ADGRG4: variants seen among roughly 807,000 people sequenced by gnomAD.
ADGRG4 encodes the protein adhesion G protein-coupled receptor G4.
In ADGRG4, 122 loss-of-function variants were observed where a neutral mutation model predicts 126.2. The observed-to-expected ratio is 0.97, with a 90% CI of 0.83 to 1.12. The LOEUF (loss-of-function observed/expected upper bound fraction) is 1.12. Among genes scored for constraint, ADGRG4 ranks in the 50% most tolerant of loss-of-function variants. The probability of loss-of-function intolerance (pLI) is 0.00; values close to 1 mark genes in which losing one functional copy is unlikely to be tolerated. For synonymous variants in ADGRG4, 943 were observed against 838.7 expected, an observed-to-expected ratio of 1.12 and a Z score of -2.15; for missense variants, 2,481 against 2,251.8, an observed-to-expected ratio of 1.10 and a Z score of -2.06.
At position 136,363,509 on chromosome X, in the gene ADGRG4, G is replaced by T; in HGVS notation, c.7310G>T (p.Trp2437Leu). ...AGCATCAACACGGGCAAATCTCAGT[G>T]GGAAAAGCCAAAGTTTAAACAATGC... ...SISINTGKSQ[W>L]EKPKFKQCKL... Residue 2437 changes from tryptophan (W) to leucine (L), a missense_variant, in exon 13 of 26, where the codon TGG becomes TTG. By Grantham distance (61) the Trp-to-Leu change is moderately conservative. Transcript: ENST00000394143. 1 of 1,202,936 alleles carries T rather than the reference G, an allele frequency of 8.3e-7. No individual in the cohort carries two copies. The highest frequency in any genetic ancestry group is 1.1e-6 in the Non-Finnish European group (1 of 887,586).
intron 7 of ADGRG4, among the ~76,000 whole-genome samples, chrX:136,352,347 T>C (rs6635267): frequency 9.0e-6 from 1 of 110,783 alleles, no homozygotes; most frequent in East Asian, 2.8e-4. Flanking sequence ...GACATTTAAG[T>C]TGTTTCTATC....
At chrX:136,412,224 G>A (rs1274567944) in intron 23 of ADGRG4, 41 bp from the exon 24 acceptor site, 2 of 961,477 alleles carry the variant, frequency 2.1e-6, no homozygotes, top group South Asian at 3.9e-5. Flanking sequence ...GACAGCTGGT[G>A]AAAGAAACCA....
intron 1 of ADGRG4, among the ~76,000 whole-genome samples, chrX:136,303,545 A>T (rs1306667643): frequency 1.8e-5 from 2 of 112,484 alleles, no homozygotes; most frequent in African/African-American, 6.5e-5. Context: ...TAGTATCATT[A>T]TGCAAAATAA....
chrX:136,306,900 G>T (rs2148442398), intron 3 of ADGRG4, among the ~76,000 whole-genome samples: 1 of 110,475 alleles, frequency 9.1e-6, no homozygotes, highest in East Asian at 2.8e-4. Flanking sequence ...TTTTAGTAGA[G>T]ACAGGGTTTC....
chrX:136,359,030 A>G (rs773525201), intron 10 of ADGRG4, among the ~76,000 whole-genome samples: 5 of 112,602 alleles, frequency 4.4e-5, no homozygotes, highest in African/African-American at 6.4e-5. Flanking sequence ...AAGGCTAGCA[A>G]TTTCAACACA....
intron 8 of ADGRG4, among the ~76,000 whole-genome samples, chrX:136,355,044 G>A (rs2075084931): frequency 8.9e-6 from 1 of 111,928 alleles, no homozygotes; most frequent in Non-Finnish European, 1.9e-5. Flanking sequence ...CAATCAGAAA[G>A]GTGAAGAAAG....
chrX:136,403,228 T>C lies in ADGRG4; in HGVS notation c.8576-16T>C, dbSNP rs1734256697. ...GCTACCTGATGAAATGCCTTTGACT[T>C]GCTTTCCCACTGCAGGAATCCCGGC... On this transcript the variant is annotated splice_polypyrimidine_tract_variant and intron_variant, in intron 21 of 25. Coordinates refer to ENST00000394143, the MANE Select transcript of ADGRG4 (RefSeq NM_153834.4). The C allele has an allele frequency of 6.7e-6, 8 of 1,199,991 alleles. No homozygotes were observed. The highest frequency in any genetic ancestry group is 3.5e-5 in the South Asian group (2 of 56,417).
chrX:136,400,509 C>T lies in ADGRG4; in HGVS notation c.8575+393C>T, dbSNP rs769050695. Among the ~76,000 whole-genome samples, 13 of 112,142 alleles carry T rather than the reference C, an allele frequency of 1.2e-4. No individual in the cohort carries two copies. In the South Asian group the frequency reaches 1.9e-3, roughly 16 times the overall value. ...GCATTTAATCCTCATAATATCTCCA[C>T]GGGATAGATTCCATCATTATTCCCA... On this transcript the variant is annotated intron_variant, in intron 21 of 25. Transcript: ENST00000394143.
At chrX:136,406,202 A>G (rs2075408979) in intron 23 of ADGRG4, among the ~76,000 whole-genome samples, 1 of 112,615 alleles carries the variant, frequency 8.9e-6, no homozygotes. Context: ...AATACTTCTT[A>G]TAGTGTTCAT....
intron 5 of ADGRG4, among the ~76,000 whole-genome samples, chrX:136,342,107 G>A: frequency 9.0e-6 from 1 of 111,610 alleles, no homozygotes; most frequent in East Asian, 2.8e-4. Context: ...TTTCTTCTGA[G>A]TGAGGCTGCC....
At position 136,304,881 on chromosome X, in the gene ADGRG4, G is replaced by A. The variant is rs1947887694; in HGVS notation, c.-152G>A. On this transcript the variant is annotated 5_prime_UTR_variant, in exon 3 of 26. Coordinates refer to ENST00000394143, the MANE Select transcript of ADGRG4 (RefSeq NM_153834.4). Reference sequence around the variant, plus strand: ...CTGTGTGACCCCACGTTGGGGACAGGTCACAAAACCTAAGCCTTGTGCCTA... The same window carrying A: ...CTGTGTGACCCCACGTTGGGGACAGATCACAAAACCTAAGCCTTGTGCCTA... The A allele has an allele frequency of 8.9e-6, 1 of 112,515 alleles. No individual in the cohort carries two copies. The highest frequency in any genetic ancestry group is 1.9e-5 in the Non-Finnish European group (1 of 53,304). The allele number at this position is 112,515 out of a possible 1,213,427, so 9.3% of individuals were successfully genotyped here.
intron 4 of ADGRG4, among the ~76,000 whole-genome samples, chrX:136,319,697 TTCTATCTATCTATCTA>T (rs59139457): frequency 1.6e-3 from 148 of 95,088 alleles, no homozygotes; most frequent in East Asian, 8.8e-3. Flanking sequence ...GCCACAGTGA[TTCTATCTATCTATCTA>T]TCTATCTATC....
chrX:136,346,995 A>G lies in ADGRG4; in HGVS notation c.3289A>G (p.Arg1097Gly). 8.3e-7 allele frequency: 1 copy of G among 1,210,769 alleles called. No individual in the cohort carries two copies. Among genetic ancestry groups the G allele is most frequent in the South Asian group, 1.8e-5 (1 of 56,980 alleles). The change falls in exon 6 of 26, where the codon AGG becomes GGG. Residue 1097 changes from arginine to glycine, a missense_variant. Transcript: ENST00000394143. ...TTSEATVISV[R>G]KTSMAVPSLT... is the part of the protein sequence containing the mutation. The stretch of plus-strand genomic sequence containing the variant: ...TTCAGAGGCCACGGTAATCTCTGTC[A>G]GGAAGACATCCATGGCAGTTCCTTC...
intron 22 of ADGRG4, among the ~76,000 whole-genome samples, chrX:136,404,590 C>T (rs1004149529): frequency 2.1e-4 from 23 of 111,791 alleles, no homozygotes; most frequent in Middle Eastern, 4.6e-3. Context: ...TTATTACCAA[C>T]GATCAAATTT....
At chrX:136,327,424 CATAAA>C (rs1304918490) in intron 5 of ADGRG4, among the ~76,000 whole-genome samples, 3 of 101,087 alleles carry the variant, frequency 3.0e-5, no homozygotes, top group African/African-American at 7.2e-5. Context: ...AATAAAATAA[CATAAA>C]ATAAAATAAA....
In ADGRG4 at chrX:136,344,623, T is replaced by C. The variant is rs150925058; in HGVS notation, c.917T>C (p.Leu306Pro). The stretch of plus-strand genomic sequence containing the variant: ...ACTGCACAAAAAATCTTAAAGACAC[T>C]GGTAGATGAGACAGCTACATTTGCA... ...TMTAQKILKTLVDETATFAVD... is the reference protein window; with the variant it reads ...TMTAQKILKTPVDETATFAVD... Residue 306 changes from leucine to proline, a missense_variant, in exon 6 of 26, where the codon CTG becomes CCG. Physicochemically the swap from Leu to Pro is moderately conservative, Grantham distance 98. Transcript: ENST00000394143. The C allele has an allele frequency of 1.7e-6, 2 of 1,207,804 alleles. No homozygotes were observed. Among genetic ancestry groups the C allele is most frequent in the Non-Finnish European group, 2.2e-6 (2 of 893,405 alleles).
intron 4 of ADGRG4, among the ~76,000 whole-genome samples, chrX:136,313,340 T>C (rs763925975): frequency 1.8e-5 from 2 of 112,225 alleles, no homozygotes; most frequent in South Asian, 7.5e-4. Context: ...TTTTTGATCA[T>C]AGCCATCCTA....
intron 3 of ADGRG4, among the ~76,000 whole-genome samples, chrX:136,306,655 G>GCC (rs981705539): frequency 9.2e-6 from 1 of 108,599 alleles, no homozygotes; most frequent in African/African-American, 3.4e-5. Flanking sequence ...AATTCCTCAT[G>GCC]CCCCATCCCC....
chrX:136,371,682 A>T (rs987369068), intron 14 of ADGRG4, 138 bp downstream of exon 14: 2 of 407,268 alleles, frequency 4.9e-6, no homozygotes, highest in East Asian at 4.0e-5. Context: ...TCTTGCGTCG[A>T]TACTGAACAA....
Sources: allele counts gnomAD v4.1 joint callset (sites outside exome capture counted in the v4.1 genomes callset), GRCh38; gene constraint gnomAD v4.1.1; transcripts MANE v1.5; gene names NCBI Gene and HGNC (gene_info 2026-07-23, HGNC 2026-07-21).